Variants in TTN observed in about 807,000 individuals in gnomAD.
TTN encodes titin, also known as connectin.
TTN carries 1,525 observed loss-of-function variants against 3,223.0 expected under a neutral mutation model. That is an observed-to-expected ratio of 0.47 (90% confidence interval 0.45 to 0.49). The LOEUF (loss-of-function observed/expected upper bound fraction) is 0.49. Ranked by LOEUF, TTN falls within the 20% of genes least tolerant of loss-of-function variation. TTN has a pLI of 0.00. For missense variants in TTN, 40,786 were observed against 43,424.0 expected (o/e 0.94, Z 5.40); for synonymous variants, 14,094 against 15,161.0 (o/e 0.93, Z 5.17).
At position 178,645,939 on chromosome 2, in the gene TTN, C is replaced by G; in HGVS notation, c.40389G>C (p.Glu13463Asp). 1 of 1,582,058 alleles carries G rather than the reference C, an allele frequency of 6.3e-7. No individual in the cohort carries two copies. Among genetic ancestry groups the G allele is most frequent in the Non-Finnish European group, 8.6e-7 (1 of 1,165,728 alleles). ...PPAPPKEDVK[E>D]KIFQLKAIPK... ...TTTTACCTTTAAGTTGGAATATTTT[C>G]TCCTTCACATCTTCCTTAGGTGGAG... The change falls in exon 217 of 363, where the codon GAG becomes GAC. Residue 13463 changes from glutamate (E) to aspartate (D), a missense_variant. Physicochemically the swap from Glu to Asp is conservative, Grantham distance 45 (BLOSUM62 2). Transcript: ENST00000589042.
At chr2:178,608,501 G>A in intron 274 of TTN, 24 bp from the exon 275 acceptor site, 1 of 1,565,044 alleles carries the variant, frequency 6.4e-7, no homozygotes, top group East Asian at 2.3e-5. Context: ...AACATTTGAA[G>A]TAAATTTCCC....
intron 158 of TTN, 33 bp downstream of exon 158, chr2:178,669,559 T>C: frequency 6.2e-7 from 1 of 1,608,866 alleles, no homozygotes; most frequent in Non-Finnish European, 8.5e-7. Flanking sequence ...AAACCAAGAA[T>C]TATTTCATGT....
Position 178,527,168 on chromosome 2 carries a change from T to G in TTN, c.107820A>C (p.Gln35940His). The G allele has an allele frequency of 6.2e-7, 1 of 1,614,034 alleles. No homozygotes were observed. The highest frequency in any genetic ancestry group is 2.2e-5 in the East Asian group (1 of 44,884). ...WSCGGRKIHS[Q>H]EQGRFHIENT... ...TTTCAATGTGGAACCTCCCCTGTTC[T>G]TGACTGTGGATTTTTCTTCCACCAC... is the stretch of plus-strand genomic sequence containing the variant. Residue 35940 changes from glutamine (Q) to histidine (H), a missense_variant, in exon 363 of 363, where the codon CAA becomes CAC. Transcript: ENST00000589042.
At position 178,535,997 on chromosome 2, in the gene TTN, A is replaced by C. The variant is rs1280611526; in HGVS notation, c.100750T>G (p.Ser33584Ala). ...TTATTTTTACCTTCCACTTCCAAGG[A>C]GGCAGTGCCAGACACAGATCCCCCT... The part of the protein sequence containing the change: ...NQGGSVSGTA[S>A]LEVEVPAKIH... The change falls in exon 357 of 363, where the codon TCC (serine) becomes GCC (alanine). Residue 33584 changes from serine (S) to alanine (A), a missense_variant. Physicochemically the swap from Ser to Ala is moderately conservative, Grantham distance 99. Transcript: ENST00000589042. 6.5e-7 allele frequency: 1 copy of C among 1,533,700 alleles called. No individual in the cohort carries two copies. Among genetic ancestry groups the C allele is most frequent in the African/African-American group, 1.4e-5 (1 of 71,990 alleles).
Position 178,702,034 on chromosome 2 carries a change from A to G in TTN, c.30538+6T>C. 1.9e-6 allele frequency: 3 copies of G among 1,609,960 alleles called. No individual in the cohort carries two copies. Among genetic ancestry groups the G allele is most frequent in the Non-Finnish European group, 2.5e-6 (3 of 1,177,874 alleles). ...AGCAAGGATTGATTTTTACAAAACA[A>G]CTTACCAGGAGGCTTCAGCTCAAGT... On this transcript the variant is annotated splice_donor_region_variant and intron_variant, in intron 109 of 362. Transcript: ENST00000589042.
Position 178,579,798 on chromosome 2 carries a change from A to T in TTN, c.67399T>A (p.Ser22467Thr). Residue 22467 changes from serine (S) to threonine (T), a missense_variant, in exon 319 of 363, where the codon TCC (serine) becomes ACC (threonine). By Grantham distance (58) the Ser-to-Thr change is moderately conservative (BLOSUM62 1). Coordinates refer to ENST00000589042, the MANE Select transcript of TTN (RefSeq NM_001267550.2). ...DLKVRSVSKS[S>T]CSIGWKKPHS... ...GGCTTTTTCCAGCCAATGCTACAGG[A>T]TGACTTAGATACAGACCTCACTTTC... is the stretch of plus-strand genomic sequence containing the variant. The T allele has an allele frequency of 6.2e-7, 1 of 1,613,344 alleles. No homozygotes were observed. The highest frequency in any genetic ancestry group is 8.5e-7 in the Non-Finnish European group (1 of 1,179,504).
chr2:178,782,858 A>C lies in TTN; in HGVS notation c.3048T>G (p.Ser1016Arg). 6.2e-7 allele frequency: 1 copy of C among 1,613,932 alleles called. No homozygotes were observed. The highest frequency in any genetic ancestry group is 8.5e-7 in the Non-Finnish European group (1 of 1,179,936). The change falls in exon 18 of 363, where the codon AGT (serine) becomes AGG (arginine). Residue 1016 changes from serine (S) to arginine (R), a missense_variant. Physicochemically the swap from Ser to Arg is moderately radical, Grantham distance 110. Coordinates refer to ENST00000589042, the MANE Select transcript of TTN (RefSeq NM_001267550.2). ...FAEDSGRFTC[S>R]AVNEAGTVST... Reference sequence around the variant, plus strand: ...TGACGGTTCCAGCCTCATTTACAGCACTGCAAGTAAATCGCCCGCTGTCTT... The same window carrying C: ...TGACGGTTCCAGCCTCATTTACAGCCCTGCAAGTAAATCGCCCGCTGTCTT...
chr2:178,692,399 A>G, intron 120 of TTN, 98 bp downstream of exon 120: 1 of 1,088,336 alleles, frequency 9.2e-7, no homozygotes. Context: ...AATATATTAT[A>G]GATGGTTTAC....
In TTN at chr2:178,728,564, C is replaced by T. The variant is rs767514107; in HGVS notation, c.19362G>A (p.Gln6454=). 1 of 1,613,112 alleles carries T rather than the reference C, an allele frequency of 6.2e-7. No individual in the cohort carries two copies. The highest frequency in any genetic ancestry group is 1.1e-5 in the South Asian group (1 of 91,022). The part of the protein sequence containing the change: ...IQSVMKQDSG[Q]YTFKVENDFG... ...AGTCATTTTCCACCTTGAAAGTGTACTGACCGCTGTCCTGCTTCATTACTG... is the reference window on the plus strand; with the variant it reads ...AGTCATTTTCCACCTTGAAAGTGTATTGACCGCTGTCCTGCTTCATTACTG... Residue 6454 remains glutamine (Q), a synonymous_variant, in exon 66 of 363, where the codon CAG becomes CAA. Coordinates refer to ENST00000589042, the MANE Select transcript of TTN (RefSeq NM_001267550.2).
rs777478490 is a variant in TTN, at chr2:178,733,096, G to C, written c.16080C>G (p.Thr5360=). The C allele has an allele frequency of 1.9e-6, 3 of 1,596,810 alleles. No individual in the cohort carries two copies. The East Asian group carries it at 6.7e-5, about 36-fold the overall frequency. The change falls in exon 55 of 363, where the codon ACC becomes ACG. Residue 5360 remains threonine (T), a synonymous_variant. Transcript: ENST00000589042. ...CACTATCCACGTTGCGCAAGGGTTT[G>C]GTAAAAAATGGAGCAATGTCTCGAT... ...VLDRDIAPFF[T]KPLRNVDSVV...
Position 178,734,974 on chromosome 2 carries a change from C to T in TTN, c.14950G>A (p.Val4984Met), listed in dbSNP as rs903648091. The change falls in exon 51 of 363, where the codon GTG (valine) becomes ATG (methionine). Residue 4984 changes from valine to methionine, a missense_variant. By Grantham distance (21) the Val-to-Met change is conservative (BLOSUM62 1). Transcript: ENST00000589042. ...TVTVREPPSF[V>M]KKVDPSYLML... ...AAATAAGAGGGATCCACCTTCTTCA[C>T]GAAGGATGGTGGCTCTACATGAAGT... The T allele has an allele frequency of 1.3e-5, 20 of 1,583,896 alleles. No homozygotes were observed. Among genetic ancestry groups the T allele is most frequent in the Middle Eastern group, 1.7e-4 (1 of 5,982 alleles).
rs747377115 is a variant in TTN at position 178,774,999 on chromosome 2, T to C, written c.6712A>G (p.Thr2238Ala). The change falls in exon 29 of 363, where the codon ACG becomes GCG. Residue 2238 changes from threonine to alanine, a missense_variant. By Grantham distance (58) the Thr-to-Ala change is moderately conservative (BLOSUM62 0). Coordinates refer to ENST00000589042, the MANE Select transcript of TTN (RefSeq NM_001267550.2). The stretch of plus-strand genomic sequence containing the variant: ...CAGCTGTAATCTTCAGCATCAGACG[T>C]ATCAATGGTCAGTATGGAGAGGAAG... The part of the protein sequence containing the change: ...VHFLSILTID[T>A]SDAEDYSCVL... The C allele has an allele frequency of 6.2e-7, 1 of 1,614,062 alleles. No homozygotes were observed. Among genetic ancestry groups the C allele is most frequent in the East Asian group, 2.2e-5 (1 of 44,846 alleles).
At chr2:178,542,141 A>G (rs1355821717) in intron 349 of TTN, 123 bp downstream of exon 349, 2 of 1,051,170 alleles carry the variant, frequency 1.9e-6, no homozygotes. Context: ...AACCTTAGAA[A>G]GACCACAGGG....
Position 178,534,462 on chromosome 2 carries a change from G to T in TTN, c.102153C>A (p.Asp34051Glu). 6.2e-7 allele frequency: 1 copy of T among 1,613,330 alleles called. No individual in the cohort carries two copies. Among genetic ancestry groups the T allele is most frequent in the Non-Finnish European group, 8.5e-7 (1 of 1,179,798 alleles). ...EISIEAMDFV[D>E]RLLVKERKSR... ...ATTTCCTCTCTTTCACTAACAACCG[G>T]TCAACAAAATCCATGGCTTCAATGC... The change falls in exon 358 of 363, where the codon GAC (aspartate) becomes GAA (glutamate). Residue 34051 changes from aspartate to glutamate, a missense_variant. Physicochemically the swap from Asp to Glu is conservative, Grantham distance 45 (BLOSUM62 2). Coordinates refer to ENST00000589042, the MANE Select transcript of TTN (RefSeq NM_001267550.2).
Position 178,528,981 on chromosome 2 carries a change from A to T in TTN, c.106770T>A (p.His35590Gln), listed in dbSNP as rs1052651705. ...CCTGTGATGTTTTAGTGATTTCCTC[A>T]TGGACAATGGATTTTTCCAGGGAGG... ...AATSLEKSIVHEEITKTSQAS... is the reference protein window; with the variant it reads ...AATSLEKSIVQEEITKTSQAS... The change falls in exon 360 of 363, where the codon CAT becomes CAA. Residue 35590 changes from histidine to glutamine, a missense_variant. Coordinates refer to ENST00000589042, the MANE Select transcript of TTN (RefSeq NM_001267550.2). The T allele has an allele frequency of 6.2e-7, 1 of 1,613,852 alleles. No homozygotes were observed. Among genetic ancestry groups the T allele is most frequent in the South Asian group, 1.1e-5 (1 of 91,086 alleles).
chr2:178,706,885 G>A lies in TTN; in HGVS notation c.29111C>T (p.Pro9704Leu), dbSNP rs1344682490. ...VDGRLFFVSE[P>L]QSIRVVEKTT... Reference sequence around the variant, plus strand: ...ACTTTCTACGACTCTGATACTCTGAGGTTCTGACACAAAAAAGAGTCTTCC... The same window carrying A: ...ACTTTCTACGACTCTGATACTCTGAAGTTCTGACACAAAAAAGAGTCTTCC... The change falls in exon 101 of 363, where the codon CCT becomes CTT. Residue 9704 changes from proline to leucine, a missense_variant. Pro to Leu is a moderately conservative substitution (Grantham distance 98). Transcript: ENST00000589042. 6 of 1,612,486 alleles carry A rather than the reference G, an allele frequency of 3.7e-6. No homozygotes were observed. The highest frequency in any genetic ancestry group is 2.2e-5 in the East Asian group (1 of 44,860).
rs544526186 is a variant in TTN, at chr2:178,550,896, CA to C, written c.91564+70del. 846 of 1,448,348 alleles carry C rather than the reference CA, an allele frequency of 5.8e-4. 1 individual carries two copies. Among genetic ancestry groups the C allele is most frequent in the Non-Finnish European group, 6.8e-4 (726 of 1,069,368 alleles). 89.7% of individuals were successfully genotyped at this position (1,448,348 alleles called of 1,614,324 possible). The stretch of plus-strand genomic sequence containing the variant: ...TTGTTTCTGTTACCATTTTACAGGC[CA>C]GGGGCCAAATGTGTTTTTTAAAAAT... On this transcript the variant is annotated intron_variant, in intron 336 of 362. Transcript: ENST00000589042.
rs374471511 is a variant in TTN at position 178,540,146 on chromosome 2, G to A, written c.98020C>T (p.Arg32674Cys). 34 of 1,613,410 alleles carry A rather than the reference G, an allele frequency of 2.1e-5. No homozygotes were observed. The highest frequency in any genetic ancestry group is 8.8e-5 in the South Asian group (8 of 91,052). ...CCACCAGCATTACAAGCTAGGACGC[G>A]GAACCTGTATTCTGCACCCTGAGGT... ...HLPQGAEYRF[R>C]VLACNAGGPG... The change falls in exon 351 of 363, where the codon CGC becomes TGC. Residue 32674 changes from arginine to cysteine, a missense_variant. By Grantham distance (180) the Arg-to-Cys change is radical. Transcript: ENST00000589042.
At chr2:178,635,388 G>C (rs1268003605) in intron 227 of TTN, 52 bp downstream of exon 227, 3 of 1,605,534 alleles carry the variant, frequency 1.9e-6, no homozygotes, top group Non-Finnish European at 2.5e-6. Flanking sequence ...GTGTTATTTG[G>C]CTTTACACAT....
Sources: allele counts gnomAD v4.1 joint callset, GRCh38; gene constraint gnomAD v4.1.1; transcripts MANE v1.5; gene names NCBI Gene and HGNC (gene_info 2026-07-23, HGNC 2026-07-21).